Variants in MALRD1 observed in about 807,000 individuals in gnomAD.
MALRD1 encodes the protein MAM and LDL receptor class A domain containing 1, also known as MAM and LDL-receptor class A domain-containing protein 1.
MALRD1 carries 247 observed loss-of-function variants against 242.1 expected under a neutral mutation model. The ratio of observed to expected loss-of-function variants is 1.02; its 90% CI spans 0.92 to 1.13. The LOEUF (loss-of-function observed/expected upper bound fraction) is 1.13, where lower values mean the gene tolerates loss of function less well. Ranked by LOEUF, MALRD1 falls within the 50% of genes most tolerant of loss-of-function variation. The probability of loss-of-function intolerance (pLI) is 0.00; values close to 1 mark genes in which losing one functional copy is unlikely to be tolerated. For missense variants in MALRD1, 2,989 were observed against 2,533.1 expected, an observed-to-expected ratio of 1.18 and a Z score of -3.86; for synonymous variants, 995 against 866.6, an observed-to-expected ratio of 1.15 and a Z score of -2.60.
chr10:19,118,595 C>A (rs769182067), intron 5 of MALRD1, among the ~76,000 whole-genome samples: 2 of 152,140 alleles, frequency 1.3e-5, no homozygotes, highest in Non-Finnish European at 2.9e-5. Flanking sequence ...CTCCAGATAG[C>A]AAGCTTCAGA....
chr10:19,651,699 A>G (rs1840901444), intron 36 of MALRD1, among the ~76,000 whole-genome samples: 2 of 152,190 alleles, frequency 1.3e-5, no homozygotes, highest in African/African-American at 2.4e-5. Flanking sequence ...CAGAGCCACA[A>G]TATAATGAGA....
At chr10:19,060,781 G>T (rs1426064220) in intron 1 of MALRD1, among the ~76,000 whole-genome samples, 2 of 152,282 alleles carry the variant, frequency 1.3e-5, no homozygotes, top group Middle Eastern at 3.4e-3. Context: ...AGATTTCAAG[G>T]TTTGTCAGCA....
At chr10:19,227,894 G>T (rs1424671555) in intron 18 of MALRD1, among the ~76,000 whole-genome samples, 1 of 152,122 alleles carries the variant, frequency 6.6e-6, no homozygotes, top group Non-Finnish European at 1.5e-5. Flanking sequence ...TCAGGGAAAT[G>T]CAAGTTAAAA....
intron 10 of MALRD1, among the ~76,000 whole-genome samples, chr10:19,137,664 G>A (rs536823040): frequency 4.0e-5 from 6 of 151,362 alleles, no homozygotes; most frequent in Non-Finnish European, 5.9e-5. Context: ...GCGTTTGGGA[G>A]GGCCAAAGTG....
intron 38 of MALRD1, among the ~76,000 whole-genome samples, chr10:19,726,541 A>T (rs1835034140): frequency 1.3e-5 from 2 of 152,174 alleles, no homozygotes; most frequent in African/African-American, 2.4e-5. Context: ...ACAGTTTGGC[A>T]GTTCCTCAAA....
At chr10:19,723,270 C>T (rs1334300793) in intron 38 of MALRD1, among the ~76,000 whole-genome samples, 1 of 152,168 alleles carries the variant, frequency 6.6e-6, no homozygotes, top group Middle Eastern at 3.2e-3. Flanking sequence ...CATCATTTGA[C>T]AGCTGCATTG....
At chr10:19,052,072 T>C (rs1834524288) in intron 1 of MALRD1, 1 of 422,012 alleles carries the variant, frequency 2.4e-6, no homozygotes, top group Non-Finnish European at 4.5e-6. Context: ...GATGGCATGG[T>C]GGATTCAAGA....
intron 14 of MALRD1, among the ~76,000 whole-genome samples, chr10:19,176,887 T>C (rs1358688484): frequency 2.0e-5 from 3 of 150,636 alleles, no homozygotes; most frequent in South Asian, 2.1e-4. Context: ...TGTGTGTGTG[T>C]GCATGGGTGT....
At chr10:19,556,848 A>C (rs1835741172) in intron 32 of MALRD1, among the ~76,000 whole-genome samples, 1 of 152,156 alleles carries the variant, frequency 6.6e-6, no homozygotes, top group Admixed American at 6.6e-5. Flanking sequence ...TGTCTGACAA[A>C]GTGGCTATAC....
At chr10:19,698,377 T>C (rs962858152) in intron 38 of MALRD1, among the ~76,000 whole-genome samples, 2 of 152,204 alleles carry the variant, frequency 1.3e-5, no homozygotes, top group Non-Finnish European at 2.9e-5. Flanking sequence ...TTCTTTGAAC[T>C]GCCAAAGACT....
intron 38 of MALRD1, among the ~76,000 whole-genome samples, chr10:19,700,021 G>GACACACACACACACAC (rs58040272): frequency 5.7e-5 from 8 of 141,190 alleles, no homozygotes; most frequent in African/African-American, 2.1e-4. Flanking sequence ...AATTGATTTA[G>GACACACACACACACAC]ACACACACAC....
intron 29 of MALRD1, among the ~76,000 whole-genome samples, chr10:19,485,325 T>G (rs182215372): frequency 4.6e-5 from 7 of 152,216 alleles, no homozygotes; most frequent in Non-Finnish European, 8.8e-5. Flanking sequence ...ACCCCTAAAC[T>G]TATGAAAATT....
intron 18 of MALRD1, among the ~76,000 whole-genome samples, chr10:19,246,334 G>A (rs1314491579): frequency 3.9e-5 from 6 of 152,158 alleles, no homozygotes. Flanking sequence ...TTTGTTTTAT[G>A]GTTACTTTCT....
intron 18 of MALRD1, among the ~76,000 whole-genome samples, chr10:19,235,377 G>A (rs1838264449): frequency 7.5e-6 from 1 of 133,692 alleles, no homozygotes. Flanking sequence ...GTAATTCTAA[G>A]CATTTTTTTT....
chr10:19,120,395 A>G (rs1320956984), intron 5 of MALRD1, among the ~76,000 whole-genome samples: 1 of 152,218 alleles, frequency 6.6e-6, no homozygotes. Context: ...ATAGAGGTCA[A>G]TCTTGATATA....
chr10:19,188,693 T>C (rs1835843136), intron 14 of MALRD1, among the ~76,000 whole-genome samples: 1 of 152,184 alleles, frequency 6.6e-6, no homozygotes, highest in African/African-American at 2.4e-5. Flanking sequence ...GCTCAGCTGT[T>C]ATTGTCAGTT....
chr10:19,636,108 T>A (rs1387261844), intron 36 of MALRD1, among the ~76,000 whole-genome samples: 2 of 152,124 alleles, frequency 1.3e-5, no homozygotes, highest in Admixed American at 6.6e-5. Flanking sequence ...TTCACAGAAG[T>A]AATACAAATT....
intron 11 of MALRD1, among the ~76,000 whole-genome samples, chr10:19,147,081 T>G (rs1833751105): frequency 1.2e-4 from 18 of 152,144 alleles, no homozygotes; most frequent in Admixed American, 1.2e-3. Context: ...GATCTCAAAC[T>G]CCTGGCCTCA....
At position 19,257,766 on chromosome 10, in the gene MALRD1, A is replaced by G; in HGVS notation, c.3074A>G (p.Tyr1025Cys). 1 of 1,523,720 alleles carries G rather than the reference A, an allele frequency of 6.6e-7. No homozygotes were observed. The highest frequency in any genetic ancestry group is 2.5e-5 in the East Asian group (1 of 40,214). 94.4% of individuals were successfully genotyped at this position (1,523,720 alleles called of 1,614,324 possible). ...DDLSFMDCTLYPGNLPADLPT... is the reference protein window; with the variant it reads ...DDLSFMDCTLCPGNLPADLPT... ...CTGTCATTTATGGACTGCACCCTCT[A>G]CCCTGGTAAGAGAGAACATTTCAAT... The change falls in exon 19 of 40, where the codon TAC becomes TGC. Residue 1025 changes from tyrosine (Y) to cysteine (C), a missense_variant. Physicochemically the swap from Tyr to Cys is radical, Grantham distance 194. Coordinates refer to ENST00000454679, the MANE Select transcript of MALRD1 (RefSeq NM_001142308.3).
Sources: gnomAD v4.1 joint callset for allele counts (sites outside exome capture counted in the v4.1 genomes callset) on GRCh38, gnomAD v4.1.1 for gene constraint, MANE v1.5 for transcripts, NCBI Gene and HGNC (gene_info 2026-07-23, HGNC 2026-07-21) for gene names.